Variants in C10orf90 observed in about 807,000 individuals in gnomAD.
C10orf90 encodes the protein (E2-independent) E3 ubiquitin-conjugating enzyme FATS.
C10orf90 carries 56 observed loss-of-function variants against 62.5 expected under a neutral mutation model. The ratio of observed to expected loss-of-function variants is 0.90; its 90% CI spans 0.72 to 1.12. The LOEUF (loss-of-function observed/expected upper bound fraction) is 1.12. C10orf90 is among the 50% of genes most tolerant of loss of function. The pLI is 0.00. For synonymous variants in C10orf90, 386 were observed against 340.4 expected (o/e 1.13, Z -1.47); for missense variants, 970 against 880.4 (o/e 1.10, Z -1.29).
chr10:126,661,288 C>T (rs1591182565), intron 1 of C10orf90, among the ~76,000 whole-genome samples: 1 of 152,168 alleles, frequency 6.6e-6, no homozygotes, highest in Admixed American at 6.5e-5. Context: ...GGGGTACAGC[C>T]TCCATGCCAA....
intron 2 of C10orf90, among the ~76,000 whole-genome samples, chr10:126,618,030 C>A (rs1230890962): frequency 1.3e-5 from 2 of 152,178 alleles, no homozygotes; most frequent in Non-Finnish European, 2.9e-5. Flanking sequence ...GTGCAACAAA[C>A]CCTCAGGAGG....
At chr10:126,513,827 G>T (rs1863277877) in intron 3 of C10orf90, 21 bp downstream of exon 3, 1 of 1,498,906 alleles carries the variant, frequency 6.7e-7, no homozygotes, top group Admixed American at 1.7e-5. Flanking sequence ...GACTATTCTA[G>T]AAGTTAGAAA....
At position 126,442,345 on chromosome 10, in the gene C10orf90, T is replaced by TCC. The variant is rs879872615; in HGVS notation, c.2189-12496_2189-12495insGG. 4.7e-3 allele frequency among the ~76,000 whole-genome samples: 714 copies of TCC among 150,726 alleles called. 6 individuals are homozygous for TCC. Among genetic ancestry groups the TCC allele is most frequent in the African/African-American group, 0.016 (676 of 41,052 alleles). Reference sequence around the variant, plus strand: ...CATGATGATAAAAGGCCTTATCCAATTTTAGGAAAATATCACAATCCTATA... The same window carrying TCC: ...CATGATGATAAAAGGCCTTATCCAATCCTTTAGGAAAATATCACAATCCTATA... On this transcript the variant is annotated intron_variant, in intron 7 of 9. Coordinates refer to ENST00000488181, the MANE Select transcript of C10orf90 (RefSeq NM_001350921.2).
chr10:126,517,980 CA>C (rs1430764502), intron 2 of C10orf90, among the ~76,000 whole-genome samples: 1 of 150,534 alleles, frequency 6.6e-6, no homozygotes, highest in African/African-American at 2.4e-5. Context: ...GAGCAAAAAC[CA>C]AAATGCCTGA....
intron 2 of C10orf90, among the ~76,000 whole-genome samples, chr10:126,584,989 C>T (rs1359724793): frequency 6.6e-6 from 1 of 151,918 alleles, no homozygotes; most frequent in Admixed American, 6.6e-5. Flanking sequence ...AATGCTCAGC[C>T]CCTGCAGAGT....
At chr10:126,660,844 TA>T (rs1177170262) in intron 1 of C10orf90, among the ~76,000 whole-genome samples, 1 of 152,230 alleles carries the variant, frequency 6.6e-6, no homozygotes, top group Non-Finnish European at 1.5e-5. Flanking sequence ...ATCTCAGTCA[TA>T]AGTACAGCAG....
At chr10:126,507,217 C>A (rs1023852203) in intron 3 of C10orf90, among the ~76,000 whole-genome samples, 5 of 151,518 alleles carry the variant, frequency 3.3e-5, no homozygotes, top group African/African-American at 1.2e-4. Context: ...ATTAGCTGGG[C>A]GTGGTGGCAG....
intron 3 of C10orf90, among the ~76,000 whole-genome samples, chr10:126,506,442 C>A (rs1227586994): frequency 6.6e-6 from 1 of 152,262 alleles, no homozygotes; most frequent in African/African-American, 2.4e-5. Flanking sequence ...ATATATGTAA[C>A]CGCTAAGCTC....
At chr10:126,596,489 T>C (rs1001620956) in intron 2 of C10orf90, among the ~76,000 whole-genome samples, 7 of 152,170 alleles carry the variant, frequency 4.6e-5, no homozygotes, top group Non-Finnish European at 1.0e-4. Context: ...TCTTCACTTA[T>C]GATGGGGTTA....
intron 2 of C10orf90, among the ~76,000 whole-genome samples, chr10:126,610,893 T>C (rs1450411430): frequency 6.6e-6 from 1 of 152,176 alleles, no homozygotes; most frequent in Non-Finnish European, 1.5e-5. Context: ...ACACAACTTC[T>C]TGTAACTGGA....
intron 4 of C10orf90, among the ~76,000 whole-genome samples, chr10:126,482,520 C>T (rs1175371885): frequency 1.3e-5 from 2 of 152,164 alleles, no homozygotes; most frequent in African/African-American, 2.4e-5. Flanking sequence ...CACAGAAGCA[C>T]AGGTGAGCAG....
Position 126,523,102 on chromosome 10 carries a change from T to C in C10orf90, c.314-9163A>G, listed in dbSNP as rs371133173. Reference sequence around the variant, plus strand: ...AAAATTATGGTTTATAATAAAGACATTTTAAAAGCCTATTCTACTGAATTT... The same window carrying C: ...AAAATTATGGTTTATAATAAAGACACTTTAAAAGCCTATTCTACTGAATTT... On this transcript the variant is annotated intron_variant, in intron 2 of 9. Transcript: ENST00000488181. Among the ~76,000 whole-genome samples, 724 of 152,338 alleles carry C rather than the reference T, an allele frequency of 4.8e-3. 3 individuals are homozygous for C. The highest frequency in any genetic ancestry group is 0.017 in the African/African-American group (686 of 41,574).
At chr10:126,449,992 C>CA (rs113405837) in intron 7 of C10orf90, among the ~76,000 whole-genome samples, 5,476 of 105,356 alleles carry the variant, frequency 0.052, 353 homozygotes, top group African/African-American at 0.17. Context: ...GACGCCATCT[C>CA]AAAAAAAAAA....
At position 126,658,132 on chromosome 10, in the gene C10orf90, G is replaced by T. The variant is rs1591180702; in HGVS notation, c.241-11495C>A. Among the ~76,000 whole-genome samples, 3 of 152,186 alleles carry T rather than the reference G, an allele frequency of 2.0e-5. No individual in the cohort carries two copies. The South Asian group carries it at 6.2e-4, about 32-fold the overall frequency. The stretch of plus-strand genomic sequence containing the variant: ...GCGCATTCTGTCCCAGAACAAGGAC[G>T]TTGAAATGCCGACAGCCATGAGGTC... On this transcript the variant is annotated intron_variant, in intron 1 of 9. Transcript: ENST00000488181.
chr10:126,626,712 G>T (rs111938589), intron 2 of C10orf90, among the ~76,000 whole-genome samples: 20 of 152,182 alleles, frequency 1.3e-4, no homozygotes, highest in African/African-American at 4.3e-4. Context: ...CACAGGGATC[G>T]ATACAGTGAG....
intron 2 of C10orf90, among the ~76,000 whole-genome samples, chr10:126,637,884 G>A (rs1378336551): frequency 1.3e-5 from 2 of 152,230 alleles, no homozygotes; most frequent in Non-Finnish European, 2.9e-5. Flanking sequence ...TCTGGCTGTA[G>A]ATGGAGATGA....
At chr10:126,435,567 C>T (rs796743991) in intron 7 of C10orf90, among the ~76,000 whole-genome samples, 8 of 152,316 alleles carry the variant, frequency 5.3e-5, no homozygotes, top group African/African-American at 1.9e-4. Flanking sequence ...CTCCCCAGAT[C>T]TTCCAAGGAG....
chr10:126,438,042 C>T (rs1858033188), intron 7 of C10orf90, among the ~76,000 whole-genome samples: 1 of 152,196 alleles, frequency 6.6e-6, no homozygotes, highest in Non-Finnish European at 1.5e-5. Context: ...GTGACTGACT[C>T]CACTTTTTCC....
intron 1 of C10orf90, among the ~76,000 whole-genome samples, chr10:126,658,275 A>G (rs1183180809): frequency 6.6e-6 from 1 of 152,242 alleles, no homozygotes; most frequent in African/African-American, 2.4e-5. Flanking sequence ...ACTTCCCTGT[A>G]TAGCCAGCCA....
Sources: gnomAD v4.1 joint callset for allele counts (sites outside exome capture counted in the v4.1 genomes callset) on GRCh38, gnomAD v4.1.1 for gene constraint, MANE v1.5 for transcripts, NCBI Gene and HGNC (gene_info 2026-07-23, HGNC 2026-07-21) for gene names.